SLC41A2: variants seen among roughly 807,000 people sequenced by gnomAD.
SLC41A2 encodes solute carrier family 41 member 2, also known as SLC41A1-like 1.
A neutral mutation model predicts 58.3 loss-of-function variants in SLC41A2; 32 were observed. That is an observed-to-expected ratio of 0.55 (90% CI 0.41 to 0.74). The LOEUF is 0.74. SLC41A2 is among the 30% of genes least tolerant of loss of function. The pLI is 0.00. For missense variants in SLC41A2, 514 were observed against 680.6 expected (o/e 0.76, Z 2.72); for synonymous variants, 190 against 235.0 (o/e 0.81, Z 1.75).
At chr12:104,951,476 C>G (rs919088715) in intron 1 of SLC41A2, 1 of 152,104 alleles carries the variant, frequency 6.6e-6, no homozygotes, top group African/African-American at 2.4e-5. Flanking sequence ...TGAATCAGAA[C>G]TGAAATCTCC....
chr12:104,811,791 G>C (rs1300682703), intron 10 of SLC41A2, among the ~76,000 whole-genome samples: 2 of 152,346 alleles, frequency 1.3e-5, no homozygotes, highest in African/African-American at 4.8e-5. Flanking sequence ...GGACACATGA[G>C]AAAAGAAGTC....
chr12:104,846,455 T>C (rs186800248), intron 8 of SLC41A2, among the ~76,000 whole-genome samples: 26 of 152,062 alleles, frequency 1.7e-4, no homozygotes, highest in African/African-American at 4.6e-4. Flanking sequence ...TTCCAAAGAG[T>C]GGTAAGCCCC....
chr12:104,887,011 C>T (rs2044703276), intron 5 of SLC41A2, among the ~76,000 whole-genome samples: 4 of 151,892 alleles, frequency 2.6e-5, no homozygotes, highest in Non-Finnish European at 4.4e-5. Flanking sequence ...TTCTTTAAAC[C>T]TGAAGTTTCT....
At chr12:104,825,151 C>T (rs1175394994) in intron 10 of SLC41A2, among the ~76,000 whole-genome samples, 3 of 152,164 alleles carry the variant, frequency 2.0e-5, no homozygotes, top group Admixed American at 6.5e-5. Flanking sequence ...GGCTCAGCCA[C>T]CAAAGGTGCA....
intron 6 of SLC41A2, among the ~76,000 whole-genome samples, chr12:104,876,811 G>C (rs376890976): frequency 1.3e-5 from 2 of 152,174 alleles, no homozygotes; most frequent in Non-Finnish European, 2.9e-5. Flanking sequence ...CTAAAGTGTA[G>C]TTCAAGTCCA....
chr12:104,828,448 T>A (rs1299019666), intron 10 of SLC41A2, among the ~76,000 whole-genome samples: 1 of 152,196 alleles, frequency 6.6e-6, no homozygotes, highest in Admixed American at 6.5e-5. Context: ...GGCAGGAGTC[T>A]AACTGAGCTA....
intron 1 of SLC41A2, among the ~76,000 whole-genome samples, chr12:104,945,373 G>A (rs1386340520): frequency 1.3e-5 from 2 of 149,428 alleles, no homozygotes; most frequent in Admixed American, 6.7e-5. Context: ...GGTGGCGGGC[G>A]CCTGTAGTCC....
In SLC41A2 at chr12:104,847,228, A is replaced by G. The variant is rs113601845; in HGVS notation, c.1256-1254T>C. ...TAAGGAAAAGAACGTAAGAGTGACT[A>G]TATCAATATCAAGGGGGAAAAAAAT... On this transcript the variant is annotated intron_variant, in intron 8 of 10. Coordinates refer to ENST00000258538, the MANE Select transcript of SLC41A2 (RefSeq NM_001352171.3). Among the ~76,000 whole-genome samples, 364 of 152,236 alleles carry G rather than the reference A, an allele frequency of 2.4e-3. 2 individuals are homozygous for G. The highest frequency in any genetic ancestry group is 8.3e-3 in the African/African-American group (346 of 41,548).
At chr12:104,858,892 T>C (rs1349038126) in intron 8 of SLC41A2, among the ~76,000 whole-genome samples, 1 of 152,234 alleles carries the variant, frequency 6.6e-6, no homozygotes. Flanking sequence ...AGCTCTAGAA[T>C]TGTTTCTTAC....
intron 6 of SLC41A2, among the ~76,000 whole-genome samples, chr12:104,876,896 A>G (rs745521404): frequency 1.3e-5 from 2 of 152,096 alleles, no homozygotes; most frequent in East Asian, 1.9e-4. Context: ...CCCTACTACT[A>G]TTGTCTTACT....
At chr12:104,812,808 A>T (rs2041232515) in intron 10 of SLC41A2, among the ~76,000 whole-genome samples, 1 of 152,054 alleles carries the variant, frequency 6.6e-6, no homozygotes, top group Admixed American at 6.6e-5. Flanking sequence ...GATATAATAA[A>T]CTTTTGAGGG....
At chr12:104,919,124 T>C (rs1191960090) in intron 2 of SLC41A2, among the ~76,000 whole-genome samples, 3 of 152,224 alleles carry the variant, frequency 2.0e-5, no homozygotes, top group Non-Finnish European at 4.4e-5. Flanking sequence ...TAAGATTAGC[T>C]TTTCACTCAG....
chr12:104,809,146 A>C (rs550342898), intron 10 of SLC41A2, among the ~76,000 whole-genome samples: 1 of 152,348 alleles, frequency 6.6e-6, no homozygotes, highest in South Asian at 2.1e-4. Context: ...TAATATACTA[A>C]ATAATTCAGT....
chr12:104,882,943 C>G (rs920336305), intron 6 of SLC41A2, among the ~76,000 whole-genome samples: 30 of 152,214 alleles, frequency 2.0e-4, no homozygotes, highest in African/African-American at 6.8e-4. Context: ...CTCCTCATCA[C>G]TTTCAGGTAT....
At chr12:104,906,054 A>G (rs2045835939) in intron 3 of SLC41A2, among the ~76,000 whole-genome samples, 1 of 152,230 alleles carries the variant, frequency 6.6e-6, no homozygotes, top group African/African-American at 2.4e-5. Context: ...GGCTCTGAGG[A>G]CTGCCAGCAC....
chr12:104,864,435 C>T (rs2043337256), intron 7 of SLC41A2, among the ~76,000 whole-genome samples: 1 of 152,178 alleles, frequency 6.6e-6, no homozygotes, highest in Non-Finnish European at 1.5e-5. Flanking sequence ...TACTGGACAT[C>T]ATTCTGGTTC....
chr12:104,854,029 G>T (rs1405566291), intron 8 of SLC41A2, among the ~76,000 whole-genome samples: 1 of 150,260 alleles, frequency 6.7e-6, no homozygotes, highest in African/African-American at 2.5e-5. Context: ...CAAAGTGCTG[G>T]GGTTATAGAA....
chr12:104,853,305 C>T (rs2042867694), intron 8 of SLC41A2, among the ~76,000 whole-genome samples: 1 of 152,174 alleles, frequency 6.6e-6, no homozygotes, highest in East Asian at 1.9e-4. Flanking sequence ...AGTTCATTTT[C>T]TTAAGAAATA....
chr12:104,883,320 A>G (rs2044481265), intron 6 of SLC41A2, among the ~76,000 whole-genome samples: 1 of 152,170 alleles, frequency 6.6e-6, no homozygotes, highest in Non-Finnish European at 1.5e-5. Flanking sequence ...AGCCTACTTT[A>G]GTCAACTCGT....
Sources: gnomAD v4.1 joint callset for allele counts (sites outside exome capture counted in the v4.1 genomes callset) on GRCh38, gnomAD v4.1.1 for gene constraint, MANE v1.5 for transcripts, NCBI Gene and HGNC (gene_info 2026-07-23, HGNC 2026-07-21) for gene names.